WBP11: variants seen among roughly 807,000 people sequenced by gnomAD.
WBP11 encodes the protein WW domain-binding protein 11.
Under a neutral mutation model 66.7 loss-of-function variants are expected in WBP11, and 12 were observed. The observed-to-expected ratio is 0.18, with a 90% CI of 0.12 to 0.29. WBP11 has a LOEUF of 0.29. WBP11 is among the 10% of genes least tolerant of loss of function. The pLI is 1.00. For synonymous variants in WBP11, 255 were observed against 273.8 expected (o/e 0.93, Z 0.68); for missense variants, 555 against 818.3 (o/e 0.68, Z 3.93).
In WBP11 at chr12:14,787,537, C is replaced by T; in HGVS notation, c.1493-39G>A. On this transcript the variant is annotated intron_variant, in intron 11 of 11. Coordinates refer to ENST00000261167, the MANE Select transcript of WBP11 (RefSeq NM_016312.3). Reference sequence around the variant, plus strand: ...ATAGGCAAGATGAATACTGTAAGAACTAATAAAATTTAACTACTATTAAGG... The same window carrying T: ...ATAGGCAAGATGAATACTGTAAGAATTAATAAAATTTAACTACTATTAAGG... 4 of 1,424,526 alleles carry T rather than the reference C, an allele frequency of 2.8e-6. No individual in the cohort carries two copies. In the South Asian group the frequency reaches 5.9e-5, roughly 21 times the overall value. 88.2% of individuals were successfully genotyped at this position (1,424,526 alleles called of 1,614,324 possible).
intron 4 of WBP11, among the ~76,000 whole-genome samples, chr12:14,797,767 T>C (rs571894964): frequency 6.6e-6 from 1 of 152,220 alleles, no homozygotes; most frequent in Non-Finnish European, 1.5e-5. Context: ...ATGTGTTATG[T>C]AGAGAGAAAA....
At chr12:14,791,088 A>G (rs539929653) in intron 9 of WBP11, 81 bp downstream of exon 9, 24 of 1,358,878 alleles carry the variant, frequency 1.8e-5, no homozygotes, top group Non-Finnish European at 2.4e-5. Context: ...GGTTGCTGAG[A>G]TACTAAATGG....
At chr12:14,798,224 C>T (rs116673488) in intron 4 of WBP11, among the ~76,000 whole-genome samples, 2 of 152,126 alleles carry the variant, frequency 1.3e-5, no homozygotes, top group Non-Finnish European at 2.9e-5. Context: ...TTAGTAAAAG[C>T]GCTGAATGCC....
chr12:14,790,993 A>AT (rs1949815535), intron 9 of WBP11, among the ~76,000 whole-genome samples, 176 bp downstream of exon 9: 2 of 152,316 alleles, frequency 1.3e-5, no homozygotes, highest in East Asian at 3.9e-4. Flanking sequence ...CAGCCCCACC[A>AT]TTTACTTGCT....
At chr12:14,800,877 A>G (rs1949954654) in intron 2 of WBP11, 94 bp from the exon 3 acceptor site, 2 of 1,138,312 alleles carry the variant, frequency 1.8e-6, no homozygotes, top group Non-Finnish European at 2.6e-6. Flanking sequence ...TATTGTGGAA[A>G]GTTACAGTAT....
intron 8 of WBP11, among the ~76,000 whole-genome samples, chr12:14,791,724 A>G (rs1225717528): frequency 6.6e-6 from 1 of 152,236 alleles, no homozygotes; most frequent in African/African-American, 2.4e-5. Flanking sequence ...TATTGCAAAA[A>G]TATGAAACTA....
At position 14,785,456 on chromosome 12, in the gene WBP11, A is replaced by G. The variant is rs1456139728; in HGVS notation, c.*1609T>C. On this transcript the variant is annotated 3_prime_UTR_variant, in exon 12 of 12. Transcript: ENST00000261167. ...AAGGATGGTGTCAAGGATTGATAAC[A>G]TAAGGTTCAATCCTTACATCTGAAC... The G allele has an allele frequency of 6.6e-6, 1 of 152,184 alleles. No individual in the cohort carries two copies. Among genetic ancestry groups the G allele is most frequent in the Non-Finnish European group, 1.5e-5 (1 of 68,032 alleles). The allele number at this position is 152,184 out of a possible 1,614,324, so 9.4% of individuals were successfully genotyped here.
intron 7 of WBP11, 113 bp downstream of exon 7, chr12:14,794,424 T>C (rs1402078751): frequency 8.6e-7 from 1 of 1,162,828 alleles, no homozygotes; most frequent in South Asian, 1.2e-5. Flanking sequence ...ATTAGTTATG[T>C]ACATGATACC....
intron 3 of WBP11, 97 bp downstream of exon 3, chr12:14,800,655 A>T (rs1949951408): frequency 8.5e-7 from 1 of 1,172,812 alleles, no homozygotes; most frequent in Non-Finnish European, 1.2e-6. Flanking sequence ...CCTTTTCTAG[A>T]AAATATTAGA....
At chr12:14,800,892 T>C in intron 2 of WBP11, 109 bp from the exon 3 acceptor site, 2 of 919,386 alleles carry the variant, frequency 2.2e-6, no homozygotes, top group Non-Finnish European at 3.3e-6. Flanking sequence ...CAGTATGCAC[T>C]GTAAAAGAGC....
chr12:14,789,201 G>T, intron 10 of WBP11, 68 bp from the exon 11 acceptor site: 1 of 1,389,066 alleles, frequency 7.2e-7, no homozygotes, highest in Non-Finnish European at 9.5e-7. Flanking sequence ...TGGCTTAAAA[G>T]TAACTCAAAT....
At position 14,785,320 on chromosome 12, in the gene WBP11, T is replaced by A. The variant is rs1949741412; in HGVS notation, c.*1745A>T. On this transcript the variant is annotated 3_prime_UTR_variant, in exon 12 of 12. Coordinates refer to ENST00000261167, the MANE Select transcript of WBP11 (RefSeq NM_016312.3). ...TCCCAGAAAGAATATAAGTTTCAAG[T>A]AAGACCATTAAAAATATTTCAGATC... is the stretch of plus-strand genomic sequence containing the variant. 6.6e-6 allele frequency: 1 copy of A among 152,200 alleles called. No homozygotes were observed. Among genetic ancestry groups the A allele is most frequent in the Admixed American group, 6.5e-5 (1 of 15,280 alleles). The allele number at this position is 152,200 out of a possible 1,614,324, so 9.4% of individuals were successfully genotyped here.
At chr12:14,791,795 T>G (rs1949824913) in intron 8 of WBP11, among the ~76,000 whole-genome samples, 1 of 152,238 alleles carries the variant, frequency 6.6e-6, no homozygotes. Context: ...CACCATGGAA[T>G]ACTACTCAGC....
At chr12:14,791,978 A>G (rs1398845259) in intron 8 of WBP11, among the ~76,000 whole-genome samples, 2 of 144,054 alleles carry the variant, frequency 1.4e-5, no homozygotes, top group Non-Finnish European at 3.1e-5. Context: ...TTGGGGACTC[A>G]GTGGGGAAGG....
In WBP11 at chr12:14,799,535, C is replaced by G. The variant is rs557652066; in HGVS notation, c.190+100G>C. The G allele has an allele frequency of 1.9e-4, 208 of 1,079,356 alleles. No individual in the cohort carries two copies. The African/African-American group carries it at 3.2e-3, about 17-fold the overall frequency. The allele number at this position is 1,079,356 out of a possible 1,614,324, so 66.9% of individuals were successfully genotyped here. A position where few individuals can be genotyped will look rare whatever the true frequency, so the allele number is the denominator to read the frequency against. The stretch of plus-strand genomic sequence containing the variant: ...ATTAAATCCAAGCATCAAATGCCAT[C>G]ATGCTGTTCTGTTTTACTTACGCCT... On this transcript the variant is annotated intron_variant, in intron 4 of 11. Coordinates refer to ENST00000261167, the MANE Select transcript of WBP11 (RefSeq NM_016312.3).
In WBP11 at chr12:14,786,949, C is replaced by G; in HGVS notation, c.*116G>C. 2 of 1,160,268 alleles carry G rather than the reference C, an allele frequency of 1.7e-6. No homozygotes were observed. The highest frequency in any genetic ancestry group is 3.3e-5 in the South Asian group (2 of 60,618). 71.9% of individuals were successfully genotyped at this position (1,160,268 alleles called of 1,614,324 possible). A position where few individuals can be genotyped will look rare whatever the true frequency, so the allele number is the denominator to read the frequency against. ...GCTAAATTTTAGGATATTCCTTGAACTGAAATTAGAAAATACCCTGACAAT... is the reference window on the plus strand; with the variant it reads ...GCTAAATTTTAGGATATTCCTTGAAGTGAAATTAGAAAATACCCTGACAAT... On this transcript the variant is annotated 3_prime_UTR_variant, in exon 12 of 12. Transcript: ENST00000261167.
At chr12:14,793,687 T>C in intron 8 of WBP11, 44 bp downstream of exon 8, 1 of 1,578,166 alleles carries the variant, frequency 6.3e-7, no homozygotes, top group Non-Finnish European at 8.6e-7. Context: ...TCAGCTTGTT[T>C]TCTCTTTATT....
intron 4 of WBP11, 99 bp downstream of exon 4, chr12:14,799,536 A>T: frequency 9.1e-7 from 1 of 1,103,318 alleles, no homozygotes. Context: ...AAATGCCATC[A>T]TGCTGTTCTG....
intron 8 of WBP11, 26 bp downstream of exon 8, chr12:14,793,705 A>G: frequency 6.2e-7 from 1 of 1,607,196 alleles, no homozygotes; most frequent in Non-Finnish European, 8.5e-7. Flanking sequence ...ATTGATCAAT[A>G]CCATGAATCC....
Sources: gnomAD v4.1 joint callset for allele counts (sites outside exome capture counted in the v4.1 genomes callset) on GRCh38, gnomAD v4.1.1 for gene constraint, MANE v1.5 for transcripts, NCBI Gene and HGNC (gene_info 2026-07-23, HGNC 2026-07-21) for gene names.